The following TBL1X variants were observed in gnomAD, a reference collection of about 807,000 sequenced individuals.
The protein encoded by TBL1X is F-box-like/WD repeat-containing protein TBL1X.
In TBL1X, 10 loss-of-function variants were observed where a neutral mutation model predicts 50.7. That is an observed-to-expected ratio of 0.20 (90% CI 0.12 to 0.33). TBL1X has a LOEUF of 0.33. TBL1X is among the 10% of genes least tolerant of loss of function. The probability of loss-of-function intolerance (pLI) is 1.00; values close to 1 mark genes in which losing one functional copy is unlikely to be tolerated. For synonymous variants in TBL1X, 190 were observed against 214.7 expected (o/e 0.88, Z 1.01); for missense variants, 340 against 504.4 (o/e 0.67, Z 3.12).
intron 2 of TBL1X, among the ~76,000 whole-genome samples, chrX:9,579,954 T>A (rs772476311): frequency 9.0e-6 from 1 of 111,643 alleles, no homozygotes; most frequent in African/African-American, 3.3e-5. Flanking sequence ...ATCATGGGTA[T>A]CCCTAAACCA....
At chrX:9,680,526 C>A (rs968679297) in intron 5 of TBL1X, among the ~76,000 whole-genome samples, 2 of 111,293 alleles carry the variant, frequency 1.8e-5, no homozygotes, top group African/African-American at 6.5e-5. Flanking sequence ...AGTGGCAGAA[C>A]GAGGACAGAA....
chrX:9,514,340 T>TTC (rs935290892), intron 2 of TBL1X, among the ~76,000 whole-genome samples: 2 of 110,710 alleles, frequency 1.8e-5, no homozygotes, highest in African/African-American at 6.6e-5. Context: ...GAGTGTTTTT[T>TTC]TTTTAATTTG....
intron 2 of TBL1X, among the ~76,000 whole-genome samples, chrX:9,523,985 T>TTTTTTAA (rs1555963929): frequency 2.1e-5 from 2 of 94,836 alleles, no homozygotes; most frequent in African/African-American, 8.1e-5. Context: ...TTTTTTTTTT[T>TTTTTTAA]TAGACAGAGT....
intron 1 of TBL1X, among the ~76,000 whole-genome samples, chrX:9,499,183 T>C (rs2081987732): frequency 9.0e-6 from 1 of 111,718 alleles, no homozygotes; most frequent in Admixed American, 9.5e-5. Flanking sequence ...TGGTCGGGTG[T>C]CCTGATTGTC....
At position 9,578,829 on chromosome X, in the gene TBL1X, A is replaced by G. The variant is rs753370013; in HGVS notation, c.-130-61444A>G. On this transcript the variant is annotated intron_variant, in intron 2 of 17. Coordinates refer to ENST00000645353, the MANE Select transcript of TBL1X (RefSeq NM_005647.4). ...AAAGGAAACCATGATGCCTCTACTCAATGAAAATCACTTTTATCTTATTTG... is the reference window on the plus strand; with the variant it reads ...AAAGGAAACCATGATGCCTCTACTCGATGAAAATCACTTTTATCTTATTTG... 2.7e-5 allele frequency among the ~76,000 whole-genome samples: 3 copies of G among 112,423 alleles called. No homozygotes were observed. The South Asian group carries it at 1.1e-3, about 41-fold the overall frequency.
In TBL1X at chrX:9,707,734, A is replaced by G. The variant is rs188671366; in HGVS notation, c.1237-1514A>G. Reference sequence around the variant, plus strand: ...TTGCTGGCCTTGCATACACATTCACACTCATAGACACCCATGCGTGTGCAC... The same window carrying G: ...TTGCTGGCCTTGCATACACATTCACGCTCATAGACACCCATGCGTGTGCAC... On this transcript the variant is annotated intron_variant, in intron 13 of 17. Coordinates refer to ENST00000645353, the MANE Select transcript of TBL1X (RefSeq NM_005647.4). Among the ~76,000 whole-genome samples, 560 of 111,751 alleles carry G rather than the reference A, an allele frequency of 5.0e-3. 4 individuals are homozygous for G. The highest frequency in any genetic ancestry group is 0.017 in the African/African-American group (536 of 30,780).
At chrX:9,653,757 T>G in intron 4 of TBL1X, 68 bp downstream of exon 4, 1 of 984,733 alleles carries the variant, frequency 1.0e-6, no homozygotes, top group Non-Finnish European at 1.4e-6. Flanking sequence ...TGGCCGCGGG[T>G]GTACTCGGTC....
At chrX:9,715,049 G>A in intron 17 of TBL1X, 46 bp downstream of exon 17, 2 of 1,128,698 alleles carry the variant, frequency 1.8e-6, no homozygotes, top group Non-Finnish European at 2.4e-6. Context: ...GTTGGGGGCA[G>A]CTGATGCCTA....
intron 2 of TBL1X, among the ~76,000 whole-genome samples, chrX:9,517,679 A>G (rs767154058): frequency 8.9e-6 from 1 of 112,026 alleles, no homozygotes; most frequent in Non-Finnish European, 1.9e-5. Flanking sequence ...TGCTTCTCCA[A>G]ATGCCGGAAG....
intron 1 of TBL1X, 70 bp downstream of exon 1, chrX:9,465,517 T>C (rs2081766215): frequency 9.0e-6 from 1 of 111,448 alleles, no homozygotes; most frequent in Non-Finnish European, 1.9e-5. Context: ...GGTCCCGCGC[T>C]GACCCTCCAG....
intron 2 of TBL1X, among the ~76,000 whole-genome samples, chrX:9,568,471 C>T (rs982760045): frequency 8.3e-4 from 87 of 105,160 alleles, no homozygotes; most frequent in Non-Finnish European, 1.0e-3. Context: ...CTGTGCATGT[C>T]GTGTCTATCT....
At chrX:9,699,868 CAG>C (rs2083158510) in intron 12 of TBL1X, among the ~76,000 whole-genome samples, 1 of 111,708 alleles carries the variant, frequency 9.0e-6, no homozygotes, top group South Asian at 3.8e-4. Context: ...ACACACCTCT[CAG>C]GGTTGCCGGT....
At chrX:9,653,868 G>A (rs775611683) in intron 4 of TBL1X, among the ~76,000 whole-genome samples, 179 bp downstream of exon 4, 4 of 111,832 alleles carry the variant, frequency 3.6e-5, no homozygotes, top group Admixed American at 9.5e-5. Context: ...GGCGCGCTGC[G>A]GATCCCTGCA....
chrX:9,477,533 T>C (rs953225351), intron 1 of TBL1X, among the ~76,000 whole-genome samples: 1 of 112,022 alleles, frequency 8.9e-6, no homozygotes, highest in Admixed American at 9.5e-5. Flanking sequence ...CTTTGCAAGC[T>C]CTATTACTTT....
At chrX:9,627,464 A>G (rs754790117) in intron 2 of TBL1X, among the ~76,000 whole-genome samples, 4 of 112,336 alleles carry the variant, frequency 3.6e-5, no homozygotes, top group African/African-American at 6.5e-5. Context: ...TATCTGAGTC[A>G]GGAAAAAAGT....
rs187842325 is a variant in TBL1X at position 9,543,516 on chromosome X, C to T, written c.-131+41667C>T. ...CTGGCTCACAAACTCAATGGGGCAT[C>T]CCAGCCCACCCATGGGAGGCCAGGA... is the stretch of plus-strand genomic sequence containing the variant. On this transcript the variant is annotated intron_variant, in intron 2 of 17. Coordinates refer to ENST00000645353, the MANE Select transcript of TBL1X (RefSeq NM_005647.4). Among the ~76,000 whole-genome samples, 8 of 108,770 alleles carry T rather than the reference C, an allele frequency of 7.4e-5. No individual in the cohort carries two copies. In the East Asian group the frequency reaches 2.4e-3, roughly 32 times the overall value. The allele number at this position is 108,770 out of a possible 115,157, so 94.5% of individuals were successfully genotyped here. A position where few individuals can be genotyped will look rare whatever the true frequency, so the allele number is the denominator to read the frequency against.
At chrX:9,490,810 G>A (rs767928908) in intron 1 of TBL1X, among the ~76,000 whole-genome samples, 60 of 111,724 alleles carry the variant, frequency 5.4e-4, no homozygotes, top group Non-Finnish European at 9.4e-4. Flanking sequence ...TACTCTTGCT[G>A]TTTATTAGTA....
At chrX:9,623,017 C>T (rs34577590) in intron 2 of TBL1X, among the ~76,000 whole-genome samples, 18 of 111,376 alleles carry the variant, frequency 1.6e-4, no homozygotes, top group Non-Finnish European at 2.5e-4. Context: ...TGCTGGATCA[C>T]ATGGTAATTC....
At chrX:9,490,373 G>T (rs1172295951) in intron 1 of TBL1X, among the ~76,000 whole-genome samples, 1 of 111,629 alleles carries the variant, frequency 9.0e-6, no homozygotes, top group African/African-American at 3.3e-5. Flanking sequence ...GACAATGTCG[G>T]GAAACACTTT....
Sources: gnomAD v4.1 joint callset for allele counts (sites outside exome capture counted in the v4.1 genomes callset) on GRCh38, gnomAD v4.1.1 for gene constraint, MANE v1.5 for transcripts, NCBI Gene and HGNC (gene_info 2026-07-23, HGNC 2026-07-21) for gene names.